The following KALRN variants were observed in gnomAD, a reference collection of about 807,000 sequenced individuals.
The protein encoded by KALRN is kalirin RhoGEF kinase.
Under a neutral mutation model 353.7 loss-of-function variants are expected in KALRN, and 70 were observed. That is an observed-to-expected ratio of 0.20 (90% CI 0.16 to 0.24). The LOEUF is 0.24. Ranked by LOEUF, KALRN falls within the 10% of genes least tolerant of loss-of-function variation. The pLI is 1.00. For synonymous variants in KALRN, 1,391 were observed against 1,434.8 expected (o/e 0.97, Z 0.69); for missense variants, 2,791 against 3,756.7 (o/e 0.74, Z 6.72).
intron 10 of KALRN, among the ~76,000 whole-genome samples, chr3:124,364,245 T>C (rs1032129321): frequency 2.0e-5 from 3 of 152,218 alleles, no homozygotes; most frequent in Admixed American, 1.3e-4. Flanking sequence ...CTGTGAGGAT[T>C]ATGGTATAGT....
chr3:124,495,460 G>C (rs1479623406), intron 32 of KALRN, among the ~76,000 whole-genome samples: 1 of 152,036 alleles, frequency 6.6e-6, no homozygotes, highest in African/African-American at 2.4e-5. Context: ...TCTTGGCCGG[G>C]TGCAGTGGCT....
Position 124,334,119 on chromosome 3 carries a change from GCTCTGGCTGGCTAGGTGT to G in KALRN, c.1417-143_1417-126del. On this transcript the variant is annotated intron_variant, in intron 8 of 59. Transcript: ENST00000682506. This position sits in a 1 kb window ranked among gnomAD's most constrained non-coding sequence, Gnocchi z 4.2. ...AGGCCGGAGGATGGGCCCCATGGCA[GCTCTGGCTGGCTAGGTGT>G]CTGGGTATGGAATGCCTGAGATTCT... The G allele has an allele frequency of 1.5e-6, 1 of 687,122 alleles. No homozygotes were observed. The highest frequency in any genetic ancestry group is 2.5e-6 in the Non-Finnish European group (1 of 396,322). 42.6% of individuals were successfully genotyped at this position (687,122 alleles called of 1,614,324 possible). A position where few individuals can be genotyped will look rare whatever the true frequency, so the allele number is the denominator to read the frequency against.
chr3:124,077,003 G>T (rs2060291721), intron 1 of KALRN, among the ~76,000 whole-genome samples: 2 of 152,222 alleles, frequency 1.3e-5, no homozygotes. Context: ...TCTGATTCTG[G>T]TTCAAACTCC....
chr3:124,472,561 ATG>A (rs1561055226), intron 25 of KALRN, among the ~76,000 whole-genome samples: 8 of 133,446 alleles, frequency 6.0e-5, no homozygotes, highest in Admixed American at 1.5e-4. Context: ...TTAAATTAAA[ATG>A]TGTGTGTGTA....
rs1561488984 is a variant in KALRN at position 124,637,268 on chromosome 3, G to C, written c.5629G>C (p.Val1877Leu). The C allele has an allele frequency of 6.2e-7, 1 of 1,614,138 alleles. No individual in the cohort carries two copies. Among genetic ancestry groups the C allele is most frequent in the East Asian group, 2.2e-5 (1 of 44,888 alleles). ...TGAAGTACCTACTGCTGCAGACCTT[G>C]TCAATGCAATAGAAAAGTTGGTCAA... is the stretch of plus-strand genomic sequence containing the variant. Reference protein sequence around the residue: ...STEVPTAADLVNAIEKLVKNK... With the variant: ...STEVPTAADLLNAIEKLVKNK... The change falls in exon 37 of 60, where the codon GTC (valine) becomes CTC (leucine). Residue 1877 changes from valine to leucine, a missense_variant. Around this residue, in one of 11 missense-constraint regions of KALRN, gnomAD observed 1,065 missense variants for 1,156.4 expected, o/e 0.92. Coordinates refer to ENST00000682506, the MANE Select transcript of KALRN (RefSeq NM_001388419.1).
At chr3:124,687,489 T>G (rs1304203990) in intron 51 of KALRN, among the ~76,000 whole-genome samples, 1 of 152,036 alleles carries the variant, frequency 6.6e-6, no homozygotes, top group African/African-American at 2.4e-5. Context: ...AAGCCATATT[T>G]TCATCCTTTT....
chr3:124,581,050 G>A (rs1258701732), intron 34 of KALRN, among the ~76,000 whole-genome samples: 2 of 152,114 alleles, frequency 1.3e-5, no homozygotes, highest in Non-Finnish European at 2.9e-5. Flanking sequence ...GGATGGCAAT[G>A]GGACTCTTGG....
intron 1 of KALRN, among the ~76,000 whole-genome samples, chr3:124,219,869 CCTCT>C (rs746481496): frequency 1.6e-4 from 23 of 146,534 alleles, no homozygotes; most frequent in Non-Finnish European, 2.7e-4. Context: ...AGCTGCCCAG[CCTCT>C]CTCTCTCTCT....
rs538657638 is a variant in KALRN, at chr3:124,334,746, A to T, written c.1647+251A>T. Reference sequence around the variant, plus strand: ...CACGTGGTATTGTAAAGGGAGACTCAGTCTCAGGAACTGCAATTCCTCGTA... The same window carrying T: ...CACGTGGTATTGTAAAGGGAGACTCTGTCTCAGGAACTGCAATTCCTCGTA... On this transcript the variant is annotated intron_variant, in intron 9 of 59. Transcript: ENST00000682506. The surrounding 1 kb of genome is among the most constrained non-coding windows in gnomAD (Gnocchi z 4.2). Among the ~76,000 whole-genome samples the T allele has an allele frequency of 6.6e-6, 1 of 152,338 alleles. No homozygotes were observed. Among genetic ancestry groups the T allele is most frequent in the South Asian group, 2.1e-4 (1 of 4,822 alleles).
chr3:124,706,097 A>G (rs1013102967), intron 57 of KALRN, among the ~76,000 whole-genome samples: 7 of 152,050 alleles, frequency 4.6e-5, no homozygotes, highest in Non-Finnish European at 1.0e-4. Flanking sequence ...CATAGAGACA[A>G]GGTCTCCCTA....
At chr3:124,155,823 C>T (rs1012797159) in intron 1 of KALRN, among the ~76,000 whole-genome samples, 2 of 152,184 alleles carry the variant, frequency 1.3e-5, no homozygotes, top group African/African-American at 4.8e-5. Flanking sequence ...GGGGTTCATC[C>T]ATCACATCTC....
chr3:124,426,316 G>C (rs1199096136), intron 15 of KALRN, among the ~76,000 whole-genome samples: 1 of 152,124 alleles, frequency 6.6e-6, no homozygotes, highest in East Asian at 1.9e-4. Flanking sequence ...TTAGACAGTA[G>C]CTTGAGAGTC....
At position 124,334,052 on chromosome 3, in the gene KALRN, CA is replaced by C. The variant is rs2080875397; in HGVS notation, c.1417-211del. Among the ~76,000 whole-genome samples the C allele has an allele frequency of 6.6e-6, 1 of 152,160 alleles. No homozygotes were observed. The highest frequency in any genetic ancestry group is 1.5e-5 in the Non-Finnish European group (1 of 68,028). On this transcript the variant is annotated intron_variant, in intron 8 of 59. Transcript: ENST00000682506. The surrounding 1 kb of genome is among the most constrained non-coding windows in gnomAD (Gnocchi z 4.2). Reference sequence around the variant, plus strand: ...CACAGACAACTGGCCAGCACTCCAGCAACTCCCACATCAGGGGATTCCAGCT... The same window carrying C: ...CACAGACAACTGGCCAGCACTCCAGCACTCCCACATCAGGGGATTCCAGCT...
chr3:124,657,534 T>G lies in KALRN; in HGVS notation c.5949T>G (p.Ile1983Met). The G allele has an allele frequency of 1.2e-6, 2 of 1,613,448 alleles. No individual in the cohort carries two copies. Among genetic ancestry groups the G allele is most frequent in the Non-Finnish European group, 1.7e-6 (2 of 1,179,374 alleles). Residue 1983 changes from isoleucine (I) to methionine (M), a missense_variant, in exon 40 of 60, where the codon ATT becomes ATG. Ile to Met is a conservative substitution (Grantham distance 10, BLOSUM62 1). This residue lies in a region of KALRN where 1,065 missense variants were observed against 1,156.4 expected (regional missense o/e 0.92). Transcript: ENST00000682506. ...TCGTGTTTGGAAATATTCATCAGAT[T>G]TATGACTGGCATAAGGAGTAAGTGT... ...DKIVFGNIHQ[I>M]YDWHKDFFLA...
intron 51 of KALRN, among the ~76,000 whole-genome samples, chr3:124,691,030 C>T (rs1231516171): frequency 6.6e-6 from 1 of 152,218 alleles, no homozygotes; most frequent in Admixed American, 6.5e-5. Flanking sequence ...GACCCTTGGG[C>T]TAGGGCCCTG....
At chr3:124,049,151 G>A (rs1285853177) in intron 1 of KALRN, among the ~76,000 whole-genome samples, 3 of 152,170 alleles carry the variant, frequency 2.0e-5, no homozygotes, top group Non-Finnish European at 4.4e-5. Context: ...TGCCTTAGGA[G>A]CCAGATTTGC....
chr3:124,610,531 C>T (rs2077822489), intron 34 of KALRN, among the ~76,000 whole-genome samples: 1 of 151,774 alleles, frequency 6.6e-6, no homozygotes, highest in South Asian at 2.1e-4. Context: ...GGATATTGGC[C>T]CAAAAATGAA....
chr3:124,044,861 C>CCTTT (rs2040313090), intron 1 of KALRN, among the ~76,000 whole-genome samples: 1 of 19,246 alleles, frequency 5.2e-5, no homozygotes, highest in African/African-American at 1.2e-4. Context: ...CTCCCTCCCT[C>CCTTT]CTTCCTTCCT....
chr3:124,181,271 T>C (rs2073564071), intron 1 of KALRN, among the ~76,000 whole-genome samples: 1 of 151,948 alleles, frequency 6.6e-6, no homozygotes, highest in Admixed American at 6.6e-5. Context: ...TCCACATTTA[T>C]GCGTGATGGT....
Sources: gnomAD v4.1 joint callset for allele counts (sites outside exome capture counted in the v4.1 genomes callset) on GRCh38, gnomAD v4.1.1 for gene constraint, gnomAD v4.1.1 regional missense constraint, Gnocchi (gnomAD v3.1) non-coding constraint, MANE v1.5 for transcripts, NCBI Gene and HGNC (gene_info 2026-07-23, HGNC 2026-07-21) for gene names.